Variants in RUBCNL observed in about 807,000 individuals in gnomAD.
RUBCNL encodes rubicon like autophagy enhancer.
Under a neutral mutation model 69.5 loss-of-function variants are expected in RUBCNL, and 62 were observed. That is an observed-to-expected ratio of 0.89 (90% CI 0.73 to 1.10). The LOEUF (loss-of-function observed/expected upper bound fraction) is 1.10, where lower values mean the gene tolerates loss of function less well. Among genes scored for constraint, RUBCNL ranks in the 50% least tolerant of loss-of-function variants. The pLI is 0.00. For synonymous variants in RUBCNL, 291 were observed against 303.6 expected (o/e 0.96, Z 0.43); for missense variants, 768 against 798.1 (o/e 0.96, Z 0.45).
At chr13:46,346,128 G>C (rs1226343575) in intron 12 of RUBCNL, among the ~76,000 whole-genome samples, 1 of 152,108 alleles carries the variant, frequency 6.6e-6, no homozygotes, top group Admixed American at 6.6e-5. Context: ...TGGTCCCTAG[G>C]GCATTCAAAA....
chr13:46,365,422 G>C (rs1189462148), intron 5 of RUBCNL, among the ~76,000 whole-genome samples: 1 of 152,000 alleles, frequency 6.6e-6, no homozygotes, highest in African/African-American at 2.4e-5. Context: ...TCTGAGGCAA[G>C]GTTCTGCACT....
At chr13:46,357,236 G>C (rs575592690) in intron 9 of RUBCNL, among the ~76,000 whole-genome samples, 3 of 151,514 alleles carry the variant, frequency 2.0e-5, no homozygotes, top group Non-Finnish European at 4.4e-5. Flanking sequence ...CGGAGGCTGA[G>C]GCAGGAGAAT....
chr13:46,350,328 A>G lies in RUBCNL; in HGVS notation c.1354T>C (p.Cys452Arg). The part of the protein sequence containing the change: ...EPKFVKRLRY[C>R]EYLGKYFCDC... The stretch of plus-strand genomic sequence containing the variant: ...CAGAAATACTTCCCTAGGTATTCGC[A>G]GTACCGGAGCCGCTTCACAAACTCT... Residue 452 changes from cysteine to arginine, a missense_variant, in exon 11 of 15, where the codon TGC becomes CGC. Coordinates refer to ENST00000429979, the MANE Select transcript of RUBCNL (RefSeq NM_025113.5). 1 of 1,554,070 alleles carries G rather than the reference A, an allele frequency of 6.4e-7. No individual in the cohort carries two copies. Among genetic ancestry groups the G allele is most frequent in the Non-Finnish European group, 8.7e-7 (1 of 1,146,542 alleles).
In RUBCNL at chr13:46,335,447, T is replaced by C. The variant is rs181610472; in HGVS notation, c.*7938A>G. On this transcript the variant is annotated 3_prime_UTR_variant, in exon 15 of 15. Coordinates refer to ENST00000429979, the MANE Select transcript of RUBCNL (RefSeq NM_025113.5). Reference sequence around the variant, plus strand: ...CTTCAGAGGGTTTAATCCACGGAGATAGACGATCTGATTTATGCTTTATAA... The same window carrying C: ...CTTCAGAGGGTTTAATCCACGGAGACAGACGATCTGATTTATGCTTTATAA... Among the ~76,000 whole-genome samples the C allele has an allele frequency of 1.8e-3, 273 of 152,122 alleles. 2 individuals carry two copies. Among genetic ancestry groups the C allele is most frequent in the Admixed American group, 8.0e-3 (122 of 15,270 alleles).
At chr13:46,368,865 T>C in intron 3 of RUBCNL, 50 bp from the exon 4 acceptor site, 1 of 1,328,716 alleles carries the variant, frequency 7.5e-7, no homozygotes, top group African/African-American at 1.5e-5. Flanking sequence ...GTTTAAAGAT[T>C]ACCTAATAAA....
rs941410822 is a variant in RUBCNL, at chr13:46,371,819, G to C, written c.535+122C>G. The C allele has an allele frequency of 1.8e-5, 18 of 1,007,862 alleles. No individual in the cohort carries two copies. In the Middle Eastern group the frequency reaches 7.1e-4, roughly 40 times the overall value. 62.4% of individuals were successfully genotyped at this position (1,007,862 alleles called of 1,614,324 possible). ...TTGTGACCGCCCAGATGGCTGGGCT[G>C]CTGACAATATTAGATGAGGCAATGC... On this transcript the variant is annotated intron_variant, in intron 3 of 14. Coordinates refer to ENST00000429979, the MANE Select transcript of RUBCNL (RefSeq NM_025113.5).
chr13:46,358,713 C>T (rs915064984), intron 9 of RUBCNL, among the ~76,000 whole-genome samples: 1 of 152,042 alleles, frequency 6.6e-6, no homozygotes, highest in Non-Finnish European at 1.5e-5. Context: ...ACCCACCACA[C>T]CTAGTTTATT....
At chr13:46,387,749 A>ACTTCACTGTCCGCGTTAGTTTAGC (rs2049282795), upstream of RUBCNL, 60 of 985,426 alleles carry the variant, frequency 6.1e-5, no homozygotes, top group Non-Finnish European at 7.2e-5. Context: ...CTCATGTAGC[A>ACTTCACTGTCCGCGTTAGTTTAGC]CTTCACTGTC....
chr13:46,368,382 G>T (rs2048806174), intron 4 of RUBCNL, 133 bp from the exon 5 acceptor site: 1 of 1,417,586 alleles, frequency 7.1e-7, no homozygotes, highest in South Asian at 1.5e-5. Flanking sequence ...ATTTAACTGA[G>T]TTATCATAGG....
intron 6 of RUBCNL, among the ~76,000 whole-genome samples, chr13:46,362,825 G>A (rs943333864): frequency 1.3e-5 from 2 of 149,856 alleles, no homozygotes; most frequent in East Asian, 3.9e-4. Context: ...TAACTGAGAG[G>A]CCAAAGAGAT....
At position 46,377,884 on chromosome 13, in the gene RUBCNL, ACT is replaced by A. The variant is rs763390473; in HGVS notation, c.-123+4_-123+5del. 308 of 1,568,502 alleles carry A rather than the reference ACT, an allele frequency of 2.0e-4. No individual in the cohort carries two copies. The highest frequency in any genetic ancestry group is 2.6e-4 in the Non-Finnish European group (300 of 1,142,876). ...GAGAAGACAAAAGGCCAGGTCGGAC[ACT>A]CACCAGGAGTATGAATTTCTCGAAG... On this transcript the variant is annotated splice_donor_5th_base_variant and intron_variant, in intron 2 of 14. Coordinates refer to ENST00000429979, the MANE Select transcript of RUBCNL (RefSeq NM_025113.5).
Position 46,359,489 on chromosome 13 carries a change from A to G in RUBCNL, c.1262T>C (p.Leu421Pro), listed in dbSNP as rs780772284. Residue 421 changes from leucine to proline, a missense_variant, in exon 9 of 15, where the codon CTC (leucine) becomes CCC (proline). Physicochemically the swap from Leu to Pro is moderately conservative, Grantham distance 98. Transcript: ENST00000429979. Reference sequence around the variant, plus strand: ...CCAAGCAACAGCCCATACTTACTTGAGTGGTGGATGAATATTAAATATGAT... The same window carrying G: ...CCAAGCAACAGCCCATACTTACTTGGGTGGTGGATGAATATTAAATATGAT... ...FQIIFNIHPP[L>P]KRDLVVAAQN... is the part of the protein sequence containing the mutation. 1.9e-6 allele frequency: 3 copies of G among 1,603,780 alleles called. No individual in the cohort carries two copies. Among genetic ancestry groups the G allele is most frequent in the Non-Finnish European group, 1.7e-6 (2 of 1,175,112 alleles).
chr13:46,357,332 CAAAAAAA>C (rs750289413), intron 9 of RUBCNL, among the ~76,000 whole-genome samples: 2 of 53,300 alleles, frequency 3.8e-5, no homozygotes, highest in Non-Finnish European at 7.4e-5. Flanking sequence ...GACTCCGTCT[CAAAAAAA>C]AAAAAAAAAA....
chr13:46,346,070 G>A (rs182194973), intron 12 of RUBCNL, among the ~76,000 whole-genome samples: 14 of 152,158 alleles, frequency 9.2e-5, no homozygotes, highest in African/African-American at 1.9e-4. Flanking sequence ...CCAAATGCAC[G>A]AGTCAGGCAC....
rs572990611 is a variant in RUBCNL, at chr13:46,373,533, T to C, written c.-122-936A>G. Among the ~76,000 whole-genome samples, 3 of 152,134 alleles carry C rather than the reference T, an allele frequency of 2.0e-5. No homozygotes were observed. In the East Asian group the frequency reaches 5.8e-4, roughly 29 times the overall value. On this transcript the variant is annotated intron_variant, in intron 2 of 14. Transcript: ENST00000429979. The stretch of plus-strand genomic sequence containing the variant: ...TTTAGCTTTAGTGAAGACGTAATGA[T>C]TAAAATGTTGAGAGCTACACAAACA...
intron 7 of RUBCNL, 126 bp from the exon 8 acceptor site, chr13:46,361,699 C>CA: frequency 3.5e-6 from 3 of 863,478 alleles, no homozygotes; most frequent in Non-Finnish European, 5.2e-6. Flanking sequence ...TATGAGATGA[C>CA]GCATGAATCA....
At chr13:46,358,806 A>T (rs903402797) in intron 9 of RUBCNL, among the ~76,000 whole-genome samples, 2 of 152,000 alleles carry the variant, frequency 1.3e-5, no homozygotes, top group East Asian at 3.9e-4. Context: ...CCCTGACCCC[A>T]GCCTAGGCCT....
rs2048103477 is a variant in RUBCNL at position 46,336,089 on chromosome 13, A to G, written c.*7296T>C. Among the ~76,000 whole-genome samples the G allele has an allele frequency of 6.6e-6, 1 of 152,218 alleles. No individual in the cohort carries two copies. Among genetic ancestry groups the G allele is most frequent in the East Asian group, 1.9e-4 (1 of 5,194 alleles). On this transcript the variant is annotated 3_prime_UTR_variant, in exon 15 of 15. Coordinates refer to ENST00000429979, the MANE Select transcript of RUBCNL (RefSeq NM_025113.5). ...TACAGAGGAAGGGGAGAAATCACAA[A>G]TGTCATGATGTTTCCGGGTTCCAAA...
chr13:46,382,723 G>A (rs2049146346), intron 1 of RUBCNL, among the ~76,000 whole-genome samples: 1 of 152,130 alleles, frequency 6.6e-6, no homozygotes, highest in East Asian at 1.9e-4. Context: ...TTTTAGTAGA[G>A]ACTGGGTTTC....
Sources: gnomAD v4.1 joint callset for allele counts (sites outside exome capture counted in the v4.1 genomes callset) on GRCh38, gnomAD v4.1.1 for gene constraint, MANE v1.5 for transcripts, NCBI Gene and HGNC (gene_info 2026-07-23, HGNC 2026-07-21) for gene names.